The following MAML3 variants were observed in gnomAD, a reference collection of about 807,000 sequenced individuals.
MAML3 encodes mastermind like transcriptional coactivator 3.
In MAML3, 27 loss-of-function variants were observed where a neutral mutation model predicts 101.9. The observed-to-expected ratio is 0.27, with a 90% CI of 0.20 to 0.37. The LOEUF is 0.37. Among genes scored for constraint, MAML3 ranks in the 10% least tolerant of loss-of-function variants. The probability of loss-of-function intolerance (pLI) is 1.00; values close to 1 mark genes in which losing one functional copy is unlikely to be tolerated. For missense variants in MAML3, 1,316 were observed against 1,444.9 expected, an observed-to-expected ratio of 0.91 and a Z score of 1.45; for synonymous variants, 501 against 555.9, an observed-to-expected ratio of 0.90 and a Z score of 1.39.
chr4:140,016,544 G>A (rs1162252278), intron 1 of MAML3, among the ~76,000 whole-genome samples: 1 of 152,148 alleles, frequency 6.6e-6, no homozygotes, highest in African/African-American at 2.4e-5. Flanking sequence ...ACTGTATATA[G>A]TTATGGTAAT....
At chr4:139,983,993 A>G (rs1250542173) in intron 1 of MAML3, among the ~76,000 whole-genome samples, 9 of 152,224 alleles carry the variant, frequency 5.9e-5, no homozygotes, top group Admixed American at 5.9e-4. Context: ...GAGAGAATGT[A>G]ATGGGTAGAC....
In MAML3 at chr4:140,153,597, A is replaced by G. The variant is rs1455532682; in HGVS notation, c.-270T>C. 2 of 410,902 alleles carry G rather than the reference A, an allele frequency of 4.9e-6. No individual in the cohort carries two copies. The highest frequency in any genetic ancestry group is 8.6e-6 in the Non-Finnish European group (2 of 233,492). 25.5% of individuals were successfully genotyped at this position (410,902 alleles called of 1,614,324 possible). A position where few individuals can be genotyped will look rare whatever the true frequency, so the allele number is the denominator to read the frequency against. On this transcript the variant is annotated 5_prime_UTR_variant, in exon 1 of 5. Transcript: ENST00000509479. ...CCATCAGACACCTATCAACAAAAAGAATCACAACAAACTGAGCCAGCAGCA... is the reference window on the plus strand; with the variant it reads ...CCATCAGACACCTATCAACAAAAAGGATCACAACAAACTGAGCCAGCAGCA...
intron 1 of MAML3, among the ~76,000 whole-genome samples, chr4:140,036,403 C>T (rs1726987789): frequency 6.6e-6 from 1 of 152,174 alleles, no homozygotes; most frequent in Non-Finnish European, 1.5e-5. Flanking sequence ...GAGAATACTA[C>T]AGGGAGGATG....
chr4:139,794,409 T>A (rs558121942), intron 2 of MAML3: 6 of 152,326 alleles, frequency 3.9e-5, no homozygotes, highest in African/African-American at 1.2e-4. Flanking sequence ...GTGCCTGGTG[T>A]CCCAGTAGGA....
intron 1 of MAML3, among the ~76,000 whole-genome samples, chr4:140,125,646 C>T (rs1250709918): frequency 6.6e-6 from 1 of 152,120 alleles, no homozygotes; most frequent in Non-Finnish European, 1.5e-5. Flanking sequence ...TGTAGAGAGA[C>T]AGGGTCTCTC....
chr4:139,836,214 T>C (rs920493454), intron 2 of MAML3, among the ~76,000 whole-genome samples: 1 of 152,128 alleles, frequency 6.6e-6, no homozygotes, highest in Non-Finnish European at 1.5e-5. Context: ...GACACATAAA[T>C]AAACAGGTAA....
At chr4:139,903,509 C>A (rs1447896783) in intron 1 of MAML3, among the ~76,000 whole-genome samples, 1 of 152,198 alleles carries the variant, frequency 6.6e-6, no homozygotes, top group African/African-American at 2.4e-5. Flanking sequence ...TGGTAAATAC[C>A]TATGAAGCCA....
At chr4:140,150,858 T>C (rs1181696049) in intron 1 of MAML3, among the ~76,000 whole-genome samples, 1 of 152,026 alleles carries the variant, frequency 6.6e-6, no homozygotes, top group African/African-American at 2.4e-5. Flanking sequence ...AAAACTACAG[T>C]GTGTCAGTGG....
chr4:139,720,952 T>C (rs1728208686), intron 4 of MAML3, among the ~76,000 whole-genome samples: 1 of 152,212 alleles, frequency 6.6e-6, no homozygotes, highest in African/African-American at 2.4e-5. Flanking sequence ...TAAGCAGCTA[T>C]TTTGACAGAT....
intron 1 of MAML3, among the ~76,000 whole-genome samples, chr4:139,930,329 T>C (rs1314895654): frequency 2.6e-5 from 4 of 152,036 alleles, no homozygotes; most frequent in Non-Finnish European, 4.4e-5. Context: ...CAGGCAGAGT[T>C]TGTGAGCAGA....
rs1423265805 is a variant in MAML3 at position 139,754,464 on chromosome 4, AT to A, written c.2080-23798del. On this transcript the variant is annotated intron_variant, in intron 2 of 4. Transcript: ENST00000509479. ...TCATAGCTGCATGTTACTCCATTGT[AT>A]AAAGCTGTTATCATTTATTTAACCA... 7.9e-5 allele frequency among the ~76,000 whole-genome samples: 12 copies of A among 152,364 alleles called. No homozygotes were observed. In the South Asian group the frequency reaches 1.0e-3, roughly 13 times the overall value.
At chr4:140,123,740 T>G (rs1728643494) in intron 1 of MAML3, among the ~76,000 whole-genome samples, 1 of 152,220 alleles carries the variant, frequency 6.6e-6, no homozygotes, top group Non-Finnish European at 1.5e-5. Context: ...GCCAACATCT[T>G]TCAAAGATGG....
At chr4:140,098,000 C>A (rs914417706) in intron 1 of MAML3, among the ~76,000 whole-genome samples, 1 of 152,180 alleles carries the variant, frequency 6.6e-6, no homozygotes, top group African/African-American at 2.4e-5. Flanking sequence ...AAGTCCTCCA[C>A]GTTTTTCTCC....
intron 1 of MAML3, among the ~76,000 whole-genome samples, chr4:140,013,575 AT>A (rs1267224380): frequency 5.3e-5 from 8 of 152,238 alleles, no homozygotes; most frequent in African/African-American, 1.9e-4. Context: ...TCTTAAATGC[AT>A]TTTTCCATGT....
In MAML3 at chr4:139,731,435, TAAAAAAAAAA is replaced by T. The variant is rs70943437; in HGVS notation, c.2080-778_2080-769del. 15 of 38,742 alleles carry T rather than the reference TAAAAAAAAAA, an allele frequency of 3.9e-4. No homozygotes were observed. The East Asian group carries it at 5.6e-3, about 14-fold the overall frequency. 2.4% of individuals were successfully genotyped at this position (38,742 alleles called of 1,614,324 possible). ...CAAGATGGTGAAACCCTGTCTCTACTAAAAAAAAAAAAAAAAAAAAAAAAAAAAAAAAATT... is the reference window on the plus strand; with the variant it reads ...CAAGATGGTGAAACCCTGTCTCTACTAAAAAAAAAAAAAAAAAAAAAAATT... On this transcript the variant is annotated intron_variant, in intron 2 of 4. Coordinates refer to ENST00000509479, the MANE Select transcript of MAML3 (RefSeq NM_018717.5).
At chr4:140,043,571 C>A (rs1727122219) in intron 1 of MAML3, among the ~76,000 whole-genome samples, 1 of 152,094 alleles carries the variant, frequency 6.6e-6, no homozygotes, top group Non-Finnish European at 1.5e-5. Context: ...AGTATCTGAG[C>A]TACTAAAGAA....
At chr4:140,043,141 G>T (rs1022207267) in intron 1 of MAML3, among the ~76,000 whole-genome samples, 1 of 152,112 alleles carries the variant, frequency 6.6e-6, no homozygotes, top group Non-Finnish European at 1.5e-5. Context: ...AATTGAACAT[G>T]ACCTGCATAT....
At chr4:140,151,532 G>A (rs1263526799) in intron 1 of MAML3, among the ~76,000 whole-genome samples, 1 of 152,130 alleles carries the variant, frequency 6.6e-6, no homozygotes, top group Non-Finnish European at 1.5e-5. Context: ...CCGGGAACGT[G>A]TGCGATTTCT....
chr4:140,053,726 G>C (rs927617225), intron 1 of MAML3, among the ~76,000 whole-genome samples: 1 of 152,130 alleles, frequency 6.6e-6, no homozygotes, highest in Non-Finnish European at 1.5e-5. Context: ...CTCTAATGTA[G>C]GGAGAAAACA....
Sources: allele counts gnomAD v4.1 joint callset (sites outside exome capture counted in the v4.1 genomes callset), GRCh38; gene constraint gnomAD v4.1.1; transcripts MANE v1.5; gene names NCBI Gene and HGNC (gene_info 2026-07-23, HGNC 2026-07-21).